Variants in GRIN2A observed in about 807,000 individuals in gnomAD.
The protein encoded by GRIN2A is glutamate ionotropic receptor NMDA type subunit 2A.
GRIN2A carries 22 observed loss-of-function variants against 113.4 expected under a neutral mutation model. The observed-to-expected ratio is 0.19, with a 90% CI of 0.14 to 0.28. GRIN2A has a LOEUF of 0.28. GRIN2A is among the 10% of genes least tolerant of loss of function. GRIN2A has a pLI of 1.00. For missense variants in GRIN2A, 1,502 were observed against 1,887.0 expected (o/e 0.80, Z 3.78); for synonymous variants, 827 against 738.4 (o/e 1.12, Z -1.94).
At chr16:10,123,802 G>C (rs554205020) in intron 2 of GRIN2A, among the ~76,000 whole-genome samples, 5 of 152,290 alleles carry the variant, frequency 3.3e-5, no homozygotes, top group Admixed American at 6.5e-5. Flanking sequence ...ACCTGGGTTT[G>C]CATCCAGCCT....
chr16:9,928,896 C>T (rs2044526704), intron 3 of GRIN2A, among the ~76,000 whole-genome samples: 1 of 152,196 alleles, frequency 6.6e-6, no homozygotes, highest in South Asian at 2.1e-4. Context: ...GCACCCAACC[C>T]AGATATATTC....
chr16:10,164,013 T>G (rs1233625451), intron 2 of GRIN2A, among the ~76,000 whole-genome samples: 3 of 152,200 alleles, frequency 2.0e-5, no homozygotes, highest in African/African-American at 7.2e-5. Flanking sequence ...AACCTAATCC[T>G]TACCTTAAGT....
At chr16:9,912,244 G>A (rs1012695480) in intron 3 of GRIN2A, among the ~76,000 whole-genome samples, 4 of 152,104 alleles carry the variant, frequency 2.6e-5, no homozygotes, top group African/African-American at 9.7e-5. Context: ...AGATAATGAT[G>A]TTGGTGATGG....
intron 2 of GRIN2A, among the ~76,000 whole-genome samples, chr16:10,058,262 C>T (rs534177080): frequency 6.7e-6 from 1 of 149,978 alleles, no homozygotes; most frequent in East Asian, 1.9e-4. Flanking sequence ...TCAAAAAAAA[C>T]CAAAAAACAA....
At chr16:10,122,935 AAAAAT>A (rs1288396458) in intron 2 of GRIN2A, among the ~76,000 whole-genome samples, 3 of 152,238 alleles carry the variant, frequency 2.0e-5, no homozygotes, top group Non-Finnish European at 4.4e-5. Context: ...GGAAAGGTTA[AAAAAT>A]AAAATAAAAT....
chr16:9,977,745 GCA>G (rs1047808116), intron 2 of GRIN2A, among the ~76,000 whole-genome samples: 8 of 152,070 alleles, frequency 5.3e-5, no homozygotes, highest in South Asian at 2.1e-4. Context: ...ACTCACATGT[GCA>G]CACACACACA....
At chr16:10,095,897 C>A (rs2048281233) in intron 2 of GRIN2A, among the ~76,000 whole-genome samples, 2 of 151,982 alleles carry the variant, frequency 1.3e-5, no homozygotes, top group Non-Finnish European at 2.9e-5. Flanking sequence ...AGAAATAGGG[C>A]AAAATGTAAG....
chr16:10,032,121 G>T (rs982303429), intron 2 of GRIN2A, among the ~76,000 whole-genome samples: 3 of 152,180 alleles, frequency 2.0e-5, no homozygotes, highest in Non-Finnish European at 4.4e-5. Flanking sequence ...ATTCACATGA[G>T]CAGAAACAGC....
chr16:10,124,971 A>C (rs924148151), intron 2 of GRIN2A, among the ~76,000 whole-genome samples: 1 of 152,218 alleles, frequency 6.6e-6, no homozygotes, highest in African/African-American at 2.4e-5. Flanking sequence ...GGGAACCATG[A>C]GGACAAAGCC....
chr16:9,855,379 G>A (rs757106098), intron 4 of GRIN2A, among the ~76,000 whole-genome samples: 21 of 152,282 alleles, frequency 1.4e-4, no homozygotes, highest in Admixed American at 2.6e-4. Flanking sequence ...GTCTCCATAC[G>A]TGGAACTATT....
intron 4 of GRIN2A, among the ~76,000 whole-genome samples, chr16:9,889,470 A>G (rs1001233438): frequency 1.3e-5 from 2 of 151,070 alleles, no homozygotes; most frequent in African/African-American, 2.4e-5. Flanking sequence ...GTTGATTTTT[A>G]CTTGTGTATT....
chr16:9,837,604 A>C (rs1387655348), intron 7 of GRIN2A, among the ~76,000 whole-genome samples: 1 of 152,190 alleles, frequency 6.6e-6, no homozygotes, highest in East Asian at 1.9e-4. Flanking sequence ...CCATGAACTC[A>C]CTTCCTCTAA....
intron 11 of GRIN2A, among the ~76,000 whole-genome samples, chr16:9,782,581 T>C (rs1396009563): frequency 6.6e-6 from 1 of 152,246 alleles, no homozygotes; most frequent in African/African-American, 2.4e-5. Context: ...ATATCTTATT[T>C]CCACTTTGAT....
intron 2 of GRIN2A, among the ~76,000 whole-genome samples, chr16:10,007,327 G>A (rs529444565): frequency 6.6e-6 from 1 of 152,290 alleles, no homozygotes; most frequent in Non-Finnish European, 1.5e-5. Context: ...AGTCATTTTA[G>A]CTGGAGTGAG....
In GRIN2A at chr16:9,996,609, A is replaced by G. The variant is rs528471171; in HGVS notation, c.415-58058T>C. ...AGTAATATTCCAACTTCATTTGTCT[A>G]CACATAATTTCCCTTGTCAGGATTT... On this transcript the variant is annotated intron_variant, in intron 2 of 12. Transcript: ENST00000330684. Among the ~76,000 whole-genome samples, 4 of 152,316 alleles carry G rather than the reference A, an allele frequency of 2.6e-5. No homozygotes were observed. In the East Asian group the frequency reaches 7.7e-4, roughly 29 times the overall value.
chr16:9,872,422 T>C (rs188288864), intron 4 of GRIN2A, among the ~76,000 whole-genome samples: 148 of 152,290 alleles, frequency 9.7e-4, no homozygotes, highest in African/African-American at 3.5e-3. Context: ...TGATTTTGTA[T>C]TTTGGGCTTC....
intron 4 of GRIN2A, among the ~76,000 whole-genome samples, chr16:9,878,444 G>A (rs1414542109): frequency 6.6e-6 from 1 of 152,188 alleles, no homozygotes; most frequent in Non-Finnish European, 1.5e-5. Context: ...TAGGAGGTCA[G>A]TACTATTATG....
intron 10 of GRIN2A, among the ~76,000 whole-genome samples, chr16:9,805,891 G>A (rs896359665): frequency 1.3e-5 from 2 of 152,108 alleles, no homozygotes; most frequent in African/African-American, 2.4e-5. Flanking sequence ...GTTTACTTGG[G>A]CAAGAGACAC....
At chr16:9,889,665 A>G (rs1222778590) in intron 4 of GRIN2A, among the ~76,000 whole-genome samples, 3 of 152,214 alleles carry the variant, frequency 2.0e-5, no homozygotes, top group African/African-American at 7.2e-5. Context: ...TTTCATTATC[A>G]TTCTGACTAA....
Sources: gnomAD v4.1 joint callset for allele counts (sites outside exome capture counted in the v4.1 genomes callset) on GRCh38, gnomAD v4.1.1 for gene constraint, MANE v1.5 for transcripts, NCBI Gene and HGNC (gene_info 2026-07-23, HGNC 2026-07-21) for gene names.